AIM2: variants seen among roughly 807,000 people sequenced by gnomAD.
AIM2 encodes interferon-inducible protein AIM2.
AIM2 carries 30 observed loss-of-function variants against 27.7 expected under a neutral mutation model. The observed-to-expected ratio is 1.08, with a 90% CI of 0.81 to 1.47. The LOEUF is 1.47. AIM2 is among the 40% of genes most tolerant of loss of function. The pLI is 0.00. For synonymous variants in AIM2, 141 were observed against 145.3 expected, an observed-to-expected ratio of 0.97 and a Z score of 0.21; for missense variants, 358 against 411.3, an observed-to-expected ratio of 0.87 and a Z score of 1.12.
At chr1:159,096,457 G>A (rs1406975658) in intron 1 of AIM2, among the ~76,000 whole-genome samples, 2 of 151,658 alleles carry the variant, frequency 1.3e-5, no homozygotes, top group Non-Finnish European at 1.5e-5. Context: ...GTATACCAGG[G>A]GAATAATAAT....
chr1:159,068,669 T>A lies in AIM2; in HGVS notation c.295A>T (p.Lys99Ter). 4 of 1,613,874 alleles carry A rather than the reference T, an allele frequency of 2.5e-6. No individual in the cohort carries two copies. The highest frequency in any genetic ancestry group is 3.4e-6 in the Non-Finnish European group (4 of 1,179,848). The change falls in exon 3 of 6, where the codon AAG (lysine) becomes TAG (stop). Residue 99 changes from lysine (K) to a stop codon, truncating the protein, a stop_gained. Transcript: ENST00000368130. LOFTEE classifies it high-confidence loss of function. ...CTCATTTCAGCTTGACTTAGTGGCTTTGGTTTTGTTACCGATTTGTATTGC... is the reference window on the plus strand; with the variant it reads ...CTCATTTCAGCTTGACTTAGTGGCTATGGTTTTGTTACCGATTTGTATTGC... The part of the protein sequence containing the change: ...DKQYKSVTKP[K>*]PLSQAEMSPA...
intron 1 of AIM2, among the ~76,000 whole-genome samples, chr1:159,092,260 G>A (rs1435334025): frequency 6.6e-6 from 1 of 152,162 alleles, no homozygotes; most frequent in Non-Finnish European, 1.5e-5. Context: ...GATTCACCAT[G>A]TTGCATAAGC....
At chr1:159,146,143 C>G (rs552320515) in intron 1 of AIM2, among the ~76,000 whole-genome samples, 1 of 151,824 alleles carries the variant, frequency 6.6e-6, no homozygotes, top group Admixed American at 6.6e-5. Flanking sequence ...GAGTGTGTCT[C>G]TAAGGACATG....
At chr1:159,115,815 A>G (rs906743202) in intron 1 of AIM2, among the ~76,000 whole-genome samples, 9 of 152,202 alleles carry the variant, frequency 5.9e-5, no homozygotes, top group African/African-American at 2.2e-4. Flanking sequence ...TGGCAACAAA[A>G]GCCAAAATTG....
chr1:159,139,073 T>TA (rs1271527965), intron 1 of AIM2, among the ~76,000 whole-genome samples: 2 of 152,234 alleles, frequency 1.3e-5, no homozygotes, highest in Non-Finnish European at 2.9e-5. Flanking sequence ...GTCCTGGTGA[T>TA]ATCCTTCAAG....
intron 1 of AIM2, among the ~76,000 whole-genome samples, chr1:159,091,267 G>A (rs1181512719): frequency 6.6e-6 from 1 of 152,224 alleles, no homozygotes. Flanking sequence ...TCTTATAAGT[G>A]TAGAAGACAG....
upstream of AIM2, among the ~76,000 whole-genome samples, chr1:159,079,509 A>C (rs1656723214): frequency 6.6e-6 from 1 of 151,894 alleles, no homozygotes; most frequent in Non-Finnish European, 1.5e-5. Context: ...AACACACACA[A>C]AAGCATGTCA....
At chr1:159,083,064 C>T (rs1345423541) in intron 1 of AIM2, among the ~76,000 whole-genome samples, 1 of 151,914 alleles carries the variant, frequency 6.6e-6, no homozygotes, top group Non-Finnish European at 1.5e-5. Flanking sequence ...CAAGATGGAA[C>T]AAATTATTAA....
chr1:159,097,418 C>T (rs531005670), intron 1 of AIM2, among the ~76,000 whole-genome samples: 1 of 152,228 alleles, frequency 6.6e-6, no homozygotes, highest in East Asian at 1.9e-4. Flanking sequence ...CACCTCCCAG[C>T]CTGCAACCCA....
chr1:159,138,907 C>T (rs3026922), intron 1 of AIM2, among the ~76,000 whole-genome samples: 21,643 of 152,184 alleles, frequency 0.14, 2,215 homozygotes, highest in South Asian at 0.31. Context: ...GAAGTGACTT[C>T]ATAAAAAACA....
At chr1:159,072,694 T>A (rs1445814053) in intron 2 of AIM2, among the ~76,000 whole-genome samples, 2 of 152,146 alleles carry the variant, frequency 1.3e-5, no homozygotes, top group African/African-American at 4.8e-5. Context: ...TCCCTGAAGG[T>A]GGATTCTCCC....
chr1:159,137,132 A>G (rs557370830), intron 1 of AIM2, among the ~76,000 whole-genome samples: 1 of 152,394 alleles, frequency 6.6e-6, no homozygotes, highest in East Asian at 1.9e-4. Context: ...TAACATTTAG[A>G]AAAGCCTCAC....
At chr1:159,081,425 C>A, upstream of AIM2, 1 of 408,200 alleles carries the variant, frequency 2.4e-6, no homozygotes, top group South Asian at 1.8e-5. Context: ...TAATGCTTGT[C>A]AGGAGACATG....
intron 1 of AIM2, among the ~76,000 whole-genome samples, chr1:159,128,864 C>T (rs1475325627): frequency 6.6e-6 from 1 of 152,156 alleles, no homozygotes; most frequent in Non-Finnish European, 1.5e-5. Context: ...TGTTTGATCC[C>T]TCTACATTGG....
At chr1:159,130,672 A>G (rs1647844862) in intron 1 of AIM2, among the ~76,000 whole-genome samples, 1 of 151,770 alleles carries the variant, frequency 6.6e-6, no homozygotes, top group South Asian at 2.1e-4. Context: ...CTTCTCTAAT[A>G]CAAGCCAACA....
intron 2 of AIM2, among the ~76,000 whole-genome samples, chr1:159,072,785 A>C (rs1474629459): frequency 2.4e-4 from 36 of 152,232 alleles, no homozygotes; most frequent in Admixed American, 2.4e-3. Flanking sequence ...GGAGAGGAAT[A>C]GACAGACTGT....
At chr1:159,139,654 T>G (rs752834729) in intron 1 of AIM2, among the ~76,000 whole-genome samples, 1 of 152,178 alleles carries the variant, frequency 6.6e-6, no homozygotes, top group Non-Finnish European at 1.5e-5. Flanking sequence ...GCTTGGGGAA[T>G]TATCTGTGGA....
intron 1 of AIM2, among the ~76,000 whole-genome samples, chr1:159,102,293 A>G (rs1415339080): frequency 6.6e-6 from 1 of 152,250 alleles, no homozygotes; most frequent in Non-Finnish European, 1.5e-5. Context: ...ACCTCTGCCT[A>G]GATTTCAGAG....
chr1:159,137,055 A>G (rs1648023451), intron 1 of AIM2, among the ~76,000 whole-genome samples: 1 of 152,204 alleles, frequency 6.6e-6, no homozygotes, highest in African/African-American at 2.4e-5. Flanking sequence ...GTTCTCTACC[A>G]ACAGATAAAA....
Sources: gnomAD v4.1 joint callset for allele counts (sites outside exome capture counted in the v4.1 genomes callset) on GRCh38, gnomAD v4.1.1 for gene constraint, MANE v1.5 for transcripts, NCBI Gene and HGNC (gene_info 2026-07-23, HGNC 2026-07-21) for gene names.